The following BBX variants were observed in gnomAD, a reference collection of about 807,000 sequenced individuals.
BBX encodes BBX high mobility group box domain containing.
BBX carries 30 observed loss-of-function variants against 100.2 expected under a neutral mutation model. That is an observed-to-expected ratio of 0.30 (90% confidence interval 0.22 to 0.41). The LOEUF (loss-of-function observed/expected upper bound fraction) is 0.41. Ranked by LOEUF, BBX falls within the 10% of genes least tolerant of loss-of-function variation. The pLI is 1.00. For missense variants in BBX, 1,023 were observed against 1,129.8 expected, an observed-to-expected ratio of 0.91 and a Z score of 1.35; for synonymous variants, 376 against 388.1, an observed-to-expected ratio of 0.97 and a Z score of 0.37.
rs1034540256 is a variant in BBX at position 107,563,243 on chromosome 3, C to T, written c.-84+36845C>T. Among the ~76,000 whole-genome samples the T allele has an allele frequency of 1.6e-4, 24 of 152,292 alleles. 1 individual carries two copies. Among genetic ancestry groups the T allele is most frequent in the African/African-American group, 5.5e-4 (23 of 41,574 alleles). On this transcript the variant is annotated intron_variant, in intron 2 of 17. Transcript: ENST00000325805. ...TTGTGGCCTCAGAGGCCCTCCTCTT[C>T]CCTGCCTTCTTCTCAGGATCCATGG...
At chr3:107,610,132 C>T (rs554105686) in intron 2 of BBX, among the ~76,000 whole-genome samples, 1 of 152,026 alleles carries the variant, frequency 6.6e-6, no homozygotes, top group South Asian at 2.1e-4. Context: ...CTTCCTTGAC[C>T]CACTTGTCAT....
chr3:107,673,502 A>G (rs1362860592), intron 3 of BBX, among the ~76,000 whole-genome samples: 60 of 152,242 alleles, frequency 3.9e-4, no homozygotes, highest in Non-Finnish European at 5.9e-5. Context: ...CTTCACAGGA[A>G]TCATATTGTT....
chr3:107,723,201 C>A (rs565075305), intron 5 of BBX, among the ~76,000 whole-genome samples: 40 of 152,036 alleles, frequency 2.6e-4, no homozygotes, highest in African/African-American at 9.4e-4. Context: ...ACTTCTCTTT[C>A]ACCCTATTGA....
intron 3 of BBX, among the ~76,000 whole-genome samples, chr3:107,672,511 C>T (rs142457773): frequency 2.0e-5 from 3 of 151,846 alleles, no homozygotes; most frequent in African/African-American, 7.3e-5. Flanking sequence ...GTTGTACTAT[C>T]GCCAGTTCCT....
chr3:107,600,353 A>G (rs984199754), intron 2 of BBX, among the ~76,000 whole-genome samples: 4 of 152,250 alleles, frequency 2.6e-5, no homozygotes, highest in Non-Finnish European at 4.4e-5. Flanking sequence ...AGGAAAATAT[A>G]TAACATTTTA....
chr3:107,565,454 T>TATTTATTTATTTA (rs2050816293), intron 2 of BBX, among the ~76,000 whole-genome samples: 1 of 146,568 alleles, frequency 6.8e-6, no homozygotes. Context: ...TTTATTTATT[T>TATTTATTTATTTA]ATTTATTTAT....
intron 3 of BBX, among the ~76,000 whole-genome samples, chr3:107,655,241 T>C (rs2058063960): frequency 6.6e-6 from 1 of 152,174 alleles, no homozygotes; most frequent in African/African-American, 2.4e-5. Context: ...AATTTTGCAA[T>C]TTTAGTAAAG....
intron 4 of BBX, among the ~76,000 whole-genome samples, chr3:107,712,141 T>A (rs542847901): frequency 6.6e-6 from 1 of 152,270 alleles, no homozygotes; most frequent in African/African-American, 2.4e-5. Context: ...CCTTTCAAAG[T>A]GCTGGGATTA....
At chr3:107,609,298 TGAG>T (rs999473347) in intron 2 of BBX, among the ~76,000 whole-genome samples, 2 of 152,194 alleles carry the variant, frequency 1.3e-5, no homozygotes, top group Non-Finnish European at 2.9e-5. Flanking sequence ...AGTATTTTGT[TGAG>T]GAGTTTTGCA....
At chr3:107,580,423 T>C (rs2052185658) in intron 2 of BBX, among the ~76,000 whole-genome samples, 1 of 152,180 alleles carries the variant, frequency 6.6e-6, no homozygotes, top group African/African-American at 2.4e-5. Flanking sequence ...ACAAGCACAT[T>C]CATGTGATAA....
At chr3:107,605,382 T>G (rs1439310878) in intron 2 of BBX, among the ~76,000 whole-genome samples, 2 of 134,984 alleles carry the variant, frequency 1.5e-5, no homozygotes, top group African/African-American at 7.6e-5. Flanking sequence ...TCTATTTTTT[T>G]TTTTGGGGGG....
At chr3:107,543,616 A>G (rs2049012043) in intron 2 of BBX, among the ~76,000 whole-genome samples, 2 of 152,246 alleles carry the variant, frequency 1.3e-5, no homozygotes, top group African/African-American at 4.8e-5. Context: ...TCCTGTGAAA[A>G]CAGAGCAAGA....
intron 8 of BBX, among the ~76,000 whole-genome samples, chr3:107,745,895 A>T (rs778724329): frequency 6.9e-4 from 105 of 152,266 alleles, no homozygotes; most frequent in Non-Finnish European, 1.8e-4. Context: ...AATTTTGGAT[A>T]TGTTAGCATG....
chr3:107,536,234 C>T (rs904478058), intron 2 of BBX, among the ~76,000 whole-genome samples: 10 of 152,154 alleles, frequency 6.6e-5, no homozygotes, highest in Non-Finnish European at 1.0e-4. Flanking sequence ...CCAAACATTT[C>T]GAAAATACAG....
chr3:107,606,876 A>G lies in BBX; in HGVS notation c.-83-38960A>G, dbSNP rs548583640. On this transcript the variant is annotated intron_variant, in intron 2 of 17. Transcript: ENST00000325805. ...TAGTCACCATTCTGTGCTATCAACT[A>G]CTAGATCTTATTCCTTATAACGACT... Among the ~76,000 whole-genome samples, 15 of 152,268 alleles carry G rather than the reference A, an allele frequency of 9.9e-5. No individual in the cohort carries two copies. The East Asian group carries it at 2.5e-3, about 25-fold the overall frequency.
intron 7 of BBX, among the ~76,000 whole-genome samples, chr3:107,743,922 T>TTTTTTTTTTTTTTTTTTTTTGG: frequency 3.1e-5 from 2 of 64,238 alleles, no homozygotes; most frequent in Admixed American, 1.4e-4. Flanking sequence ...TTAGTGGTTT[T>TTTTTTTTTTTTTTTTTTTTTGG]TTTTTTTTTT....
intron 9 of BBX, 138 bp downstream of exon 9, chr3:107,748,177 T>G: frequency 3.2e-6 from 2 of 633,080 alleles, no homozygotes; most frequent in Non-Finnish European, 5.1e-6. Context: ...AACAGAATAT[T>G]TATTGCTTTT....
chr3:107,776,107 C>G (rs374169129), intron 12 of BBX: 2 of 152,082 alleles, frequency 1.3e-5, no homozygotes, highest in South Asian at 4.1e-4. Context: ...TAGACCAGTG[C>G]TCTCTGTAGT....
chr3:107,643,658 C>T (rs1374755095), intron 2 of BBX, among the ~76,000 whole-genome samples: 3 of 151,992 alleles, frequency 2.0e-5, no homozygotes, highest in Admixed American at 1.3e-4. Flanking sequence ...TGTGCTCATA[C>T]TTAGGGCATT....
Sources: gnomAD v4.1 joint callset for allele counts (sites outside exome capture counted in the v4.1 genomes callset) on GRCh38, gnomAD v4.1.1 for gene constraint, MANE v1.5 for transcripts, NCBI Gene and HGNC (gene_info 2026-07-23, HGNC 2026-07-21) for gene names.